The following CELF4 variants were observed in gnomAD, a reference collection of about 807,000 sequenced individuals.
CELF4 encodes CUGBP Elav-like family member 4, also known as CUG-BP- and ETR-3-like factor 4.
CELF4 carries 18 observed loss-of-function variants against 59.9 expected under a neutral mutation model. The observed-to-expected ratio is 0.30, with a 90% CI of 0.21 to 0.45. The LOEUF is 0.45. CELF4 is among the 20% of genes least tolerant of loss of function. CELF4 has a pLI of 1.00. For missense variants in CELF4, 456 were observed against 689.0 expected (o/e 0.66, Z 3.79); for synonymous variants, 261 against 267.1 (o/e 0.98, Z 0.22).
At chr18:37,311,288 A>G (rs898581893) in intron 3 of CELF4, among the ~76,000 whole-genome samples, 1 of 152,194 alleles carries the variant, frequency 6.6e-6, no homozygotes, top group Non-Finnish European at 1.5e-5. Context: ...ACGTATTTAT[A>G]ATGTGTGCCT....
intron 1 of CELF4, among the ~76,000 whole-genome samples, chr18:37,545,352 C>T (rs944320336): frequency 1.1e-4 from 16 of 152,196 alleles, no homozygotes; most frequent in South Asian, 2.1e-4. Flanking sequence ...AAATGACTCA[C>T]GCTGGAGCCA....
At chr18:37,455,004 G>C (rs2099774288) in intron 2 of CELF4, among the ~76,000 whole-genome samples, 1 of 152,198 alleles carries the variant, frequency 6.6e-6, no homozygotes. Flanking sequence ...CCTAGTGAGA[G>C]CCTTCTCCCT....
At chr18:37,353,309 G>A (rs1026820675) in intron 2 of CELF4, among the ~76,000 whole-genome samples, 1 of 151,298 alleles carries the variant, frequency 6.6e-6, no homozygotes, top group Non-Finnish European at 1.5e-5. Flanking sequence ...CTGGGCATAT[G>A]GTTTTATAGT....
chr18:37,305,510 C>G (rs1051817489), intron 3 of CELF4: 1 of 152,384 alleles, frequency 6.6e-6, no homozygotes, highest in Non-Finnish European at 1.5e-5. Context: ...CCGGCCTCTG[C>G]TGGCCTCTGT....
intron 2 of CELF4, among the ~76,000 whole-genome samples, chr18:37,430,271 G>A (rs547632844): frequency 6.6e-6 from 1 of 152,346 alleles, no homozygotes; most frequent in South Asian, 2.1e-4. Context: ...GGAATTGCAA[G>A]TTGCATAATA....
At chr18:37,540,301 GTGAATGAT>G (rs1250411096) in intron 1 of CELF4, among the ~76,000 whole-genome samples, 1 of 152,252 alleles carries the variant, frequency 6.6e-6, no homozygotes, top group Non-Finnish European at 1.5e-5. Flanking sequence ...AGGTACCTGG[GTGAATGAT>G]TACATCTCTC....
chr18:37,392,027 T>A (rs1005698050), intron 2 of CELF4, among the ~76,000 whole-genome samples: 1 of 152,234 alleles, frequency 6.6e-6, no homozygotes, highest in African/African-American at 2.4e-5. Flanking sequence ...TGCCTGCAAC[T>A]GGGTCACCAG....
chr18:37,477,437 T>C (rs1221630262), intron 2 of CELF4, among the ~76,000 whole-genome samples: 1 of 152,212 alleles, frequency 6.6e-6, no homozygotes, highest in South Asian at 2.1e-4. Context: ...GTGGCCAGGA[T>C]GGTGTCTGCC....
chr18:37,311,636 A>G (rs1463882426), intron 3 of CELF4, among the ~76,000 whole-genome samples: 1 of 151,818 alleles, frequency 6.6e-6, no homozygotes, highest in Admixed American at 6.6e-5. Flanking sequence ...AAAAATACAA[A>G]AAATTAGCTG....
At chr18:37,377,320 GC>G (rs2098982865) in intron 2 of CELF4, among the ~76,000 whole-genome samples, 1 of 152,158 alleles carries the variant, frequency 6.6e-6, no homozygotes, top group Non-Finnish European at 1.5e-5. Flanking sequence ...CCAAAAAACT[GC>G]CTCAGTGGAG....
At chr18:37,368,168 T>C (rs1404104753) in intron 2 of CELF4, among the ~76,000 whole-genome samples, 2 of 152,128 alleles carry the variant, frequency 1.3e-5, no homozygotes, top group East Asian at 3.9e-4. Flanking sequence ...TTCATTCAAG[T>C]ATTCATCAAT....
intron 2 of CELF4, among the ~76,000 whole-genome samples, chr18:37,328,137 C>A (rs1400871347): frequency 6.6e-6 from 1 of 152,230 alleles, no homozygotes; most frequent in African/African-American, 2.4e-5. Flanking sequence ...CCAGAGGCAG[C>A]CTCAGGACTG....
At position 37,362,658 on chromosome 18, in the gene CELF4, T is replaced by C. The variant is rs112762458; in HGVS notation, c.370-40777A>G. ...GGGTACCCTAGCTCGAACAGGCCAC[T>C]GGGGCACCCGCTGGCTGCCCTGCCC... On this transcript the variant is annotated intron_variant, in intron 2 of 12. Coordinates refer to ENST00000420428, the MANE Select transcript of CELF4 (RefSeq NM_020180.4). Among the ~76,000 whole-genome samples, 78 of 118,354 alleles carry C rather than the reference T, an allele frequency of 6.6e-4. 1 individual carries two copies. The highest frequency in any genetic ancestry group is 2.6e-3 in the African/African-American group (77 of 29,126). 77.6% of individuals were successfully genotyped at this position (118,354 alleles called of 152,430 possible). A position where few individuals can be genotyped will look rare whatever the true frequency, so the allele number is the denominator to read the frequency against.
chr18:37,470,873 T>TGACAGAGA (rs1569569543), intron 2 of CELF4, among the ~76,000 whole-genome samples: 19 of 104,110 alleles, frequency 1.8e-4, no homozygotes, highest in Non-Finnish European at 2.0e-4. Flanking sequence ...TGTGTGTGTG[T>TGACAGAGA]GTGTGTGTGT....
At chr18:37,279,969 T>G (rs2093918160) in intron 3 of CELF4, among the ~76,000 whole-genome samples, 1 of 152,322 alleles carries the variant, frequency 6.6e-6, no homozygotes, top group Middle Eastern at 3.4e-3. Flanking sequence ...AAATCGTGTC[T>G]GTGCCTGCAG....
In CELF4 at chr18:37,254,843, G is replaced by A. The variant is rs2068173721; in HGVS notation, c.1334-905C>T. On this transcript the variant is annotated intron_variant, in intron 11 of 12. Transcript: ENST00000420428. This position sits in a 1 kb window ranked among gnomAD's most constrained non-coding sequence, Gnocchi z 5.1. ...AATGAGGTCAGAAGTCACCTTTGGG[G>A]AACTCTGAATGCATCTCTTCATACA... Among the ~76,000 whole-genome samples, 1 of 152,218 alleles carries A rather than the reference G, an allele frequency of 6.6e-6. No homozygotes were observed. The highest frequency in any genetic ancestry group is 2.1e-4 in the South Asian group (1 of 4,832).
At chr18:37,380,054 G>A (rs773783265) in intron 2 of CELF4, among the ~76,000 whole-genome samples, 53 of 152,138 alleles carry the variant, frequency 3.5e-4, no homozygotes, top group Non-Finnish European at 6.2e-4. Context: ...GGCCCTTTCA[G>A]CTTGTGGCTG....
chr18:37,509,780 T>C (rs75870313), intron 1 of CELF4, among the ~76,000 whole-genome samples: 1,657 of 152,360 alleles, frequency 0.011, 39 homozygotes, highest in East Asian at 0.085. Flanking sequence ...AGCTTATGAA[T>C]GGATAAACAA....
At chr18:37,486,456 T>A (rs912112204) in intron 1 of CELF4, among the ~76,000 whole-genome samples, 1 of 152,214 alleles carries the variant, frequency 6.6e-6, no homozygotes, top group Non-Finnish European at 1.5e-5. Flanking sequence ...GGGTGACTTT[T>A]CAGTGCTGTC....
Sources: allele counts gnomAD v4.1 joint callset (sites outside exome capture counted in the v4.1 genomes callset), GRCh38; gene constraint gnomAD v4.1.1; non-coding constraint Gnocchi (gnomAD v3.1); transcripts MANE v1.5; gene names NCBI Gene and HGNC (gene_info 2026-07-23, HGNC 2026-07-21).